The following MYO1E variants were observed in gnomAD, a reference collection of about 807,000 sequenced individuals.
MYO1E encodes the protein myosin IE.
A neutral mutation model predicts 151.1 loss-of-function variants in MYO1E; 68 were observed. The ratio of observed to expected loss-of-function variants is 0.45; its 90% CI spans 0.37 to 0.55. The LOEUF (loss-of-function observed/expected upper bound fraction) is 0.55. MYO1E is among the 20% of genes least tolerant of loss of function. The pLI is 0.00. For synonymous variants in MYO1E, 601 were observed against 501.7 expected (o/e 1.20, Z -2.64); for missense variants, 1,363 against 1,389.3 (o/e 0.98, Z 0.30).
At chr15:59,254,651 T>C (rs573896284) in intron 4 of MYO1E, among the ~76,000 whole-genome samples, 4 of 149,908 alleles carry the variant, frequency 2.7e-5, no homozygotes, top group African/African-American at 9.7e-5. Context: ...ATTTTGTGTA[T>C]ATTTGTAATT....
chr15:59,140,915 A>C (rs1235054178), intron 26 of MYO1E, among the ~76,000 whole-genome samples: 1 of 152,180 alleles, frequency 6.6e-6, no homozygotes, highest in Non-Finnish European at 1.5e-5. Context: ...CTTAGTGCAG[A>C]GGAAAGGCAT....
intron 10 of MYO1E, among the ~76,000 whole-genome samples, chr15:59,217,234 T>C (rs1008905554): frequency 6.6e-6 from 1 of 152,234 alleles, no homozygotes; most frequent in African/African-American, 2.4e-5. Context: ...GGTTAATTTG[T>C]AACATAGAAA....
chr15:59,357,238 T>A (rs1217445369), intron 1 of MYO1E, among the ~76,000 whole-genome samples: 2 of 151,772 alleles, frequency 1.3e-5, no homozygotes, highest in Non-Finnish European at 2.9e-5. Flanking sequence ...TATCATATAC[T>A]CAAGTATTGG....
intron 14 of MYO1E, chr15:59,207,942 A>G (rs2079850869): frequency 1.2e-6 from 2 of 1,613,876 alleles, no homozygotes; most frequent in African/African-American, 1.3e-5. Flanking sequence ...GAATAGATGA[A>G]GAAGTATTCC....
At chr15:59,225,792 GC>G (rs1173578594) in intron 7 of MYO1E, among the ~76,000 whole-genome samples, 1 of 151,662 alleles carries the variant, frequency 6.6e-6, no homozygotes, top group Non-Finnish European at 1.5e-5. Flanking sequence ...GACTACAGGC[GC>G]CCACCACCAC....
intron 1 of MYO1E, among the ~76,000 whole-genome samples, chr15:59,339,122 ACT>A (rs551555145): frequency 1.7e-3 from 266 of 152,270 alleles, no homozygotes; most frequent in Admixed American, 2.5e-3. Flanking sequence ...GCAGAGCAAG[ACT>A]CTGTCTCAAA....
chr15:59,323,005 C>CAA lies in MYO1E; in HGVS notation c.3+49491_3+49492dup, dbSNP rs10569331. The stretch of plus-strand genomic sequence containing the variant: ...TGAAACTCCGTCTCTACTAAAAATA[C>CAA]AAAAAAAAAAAAAAATAGCCTGGTA... On this transcript the variant is annotated intron_variant, in intron 1 of 27. Coordinates refer to ENST00000288235, the MANE Select transcript of MYO1E (RefSeq NM_004998.4). Among the ~76,000 whole-genome samples the CAA allele has an allele frequency of 2.3e-5, 3 of 129,604 alleles. No homozygotes were observed. The Admixed American group carries it at 2.4e-4, about 10-fold the overall frequency. The allele number at this position is 129,604 out of a possible 152,430, so 85.0% of individuals were successfully genotyped here. A position where few individuals can be genotyped will look rare whatever the true frequency, so the allele number is the denominator to read the frequency against.
In MYO1E at chr15:59,298,425, A is replaced by C. The variant is rs116360300; in HGVS notation, c.4-25976T>G. On this transcript the variant is annotated intron_variant, in intron 1 of 27. Coordinates refer to ENST00000288235, the MANE Select transcript of MYO1E (RefSeq NM_004998.4). Reference sequence around the variant, plus strand: ...GCGTTCTACCTCCACAAGGTGTGAAATCATGCATTCCTAGAAGCTGAACTG... The same window carrying C: ...GCGTTCTACCTCCACAAGGTGTGAACTCATGCATTCCTAGAAGCTGAACTG... Among the ~76,000 whole-genome samples, 1,140 of 152,274 alleles carry C rather than the reference A, an allele frequency of 7.5e-3. 7 individuals are homozygous for C. Among genetic ancestry groups the C allele is most frequent in the African/African-American group, 0.026 (1,096 of 41,546 alleles).
intron 17 of MYO1E, among the ~76,000 whole-genome samples, chr15:59,193,255 T>C (rs966758203): frequency 2.6e-5 from 4 of 152,294 alleles, no homozygotes; most frequent in African/African-American, 9.6e-5. Flanking sequence ...TGAGGCAGGC[T>C]CAAGTATGGG....
At chr15:59,238,966 G>A (rs1456027205) in intron 4 of MYO1E, among the ~76,000 whole-genome samples, 1 of 151,466 alleles carries the variant, frequency 6.6e-6, no homozygotes, top group Non-Finnish European at 1.5e-5. Flanking sequence ...AGCACTTTGG[G>A]AGGCCAAGGT....
chr15:59,343,787 T>C (rs887868968), intron 1 of MYO1E, among the ~76,000 whole-genome samples: 2 of 152,106 alleles, frequency 1.3e-5, no homozygotes, highest in Admixed American at 1.3e-4. Flanking sequence ...TCAGTTCTGC[T>C]ACTAACAGAC....
chr15:59,343,528 T>C (rs2080777297), intron 1 of MYO1E, among the ~76,000 whole-genome samples: 2 of 152,206 alleles, frequency 1.3e-5, no homozygotes, highest in Admixed American at 1.3e-4. Context: ...TATAACCTTC[T>C]TGTACTTAAA....
chr15:59,196,799 C>G (rs912389798), intron 16 of MYO1E, among the ~76,000 whole-genome samples: 9 of 152,034 alleles, frequency 5.9e-5, no homozygotes, highest in Admixed American at 2.0e-4. Flanking sequence ...AGTAAATTGC[C>G]TCTTATGTTC....
At chr15:59,321,738 A>C (rs1015630454) in intron 1 of MYO1E, among the ~76,000 whole-genome samples, 2 of 152,162 alleles carry the variant, frequency 1.3e-5, no homozygotes, top group Non-Finnish European at 2.9e-5. Context: ...CCATATCTAC[A>C]AAAAATACAA....
intron 3 of MYO1E, among the ~76,000 whole-genome samples, chr15:59,257,747 A>G (rs1306659652): frequency 6.6e-6 from 1 of 151,986 alleles, no homozygotes. Flanking sequence ...TGAGGGCTGC[A>G]AGCTATGCCT....
intron 4 of MYO1E, among the ~76,000 whole-genome samples, chr15:59,241,750 A>G (rs1049988726): frequency 6.6e-6 from 1 of 151,908 alleles, no homozygotes; most frequent in African/African-American, 2.4e-5. Flanking sequence ...AAATTTTTAA[A>G]TAAAAACAAT....
chr15:59,140,660 C>T (rs983270088), intron 26 of MYO1E, among the ~76,000 whole-genome samples: 1 of 152,134 alleles, frequency 6.6e-6, no homozygotes, highest in African/African-American at 2.4e-5. Flanking sequence ...CTCTCAGGAG[C>T]CACAGCCTGC....
rs56090610 is a variant in MYO1E, at chr15:59,154,632, T to C, written c.2879-841A>G. On this transcript the variant is annotated intron_variant, in intron 25 of 27. Coordinates refer to ENST00000288235, the MANE Select transcript of MYO1E (RefSeq NM_004998.4). ...CAACCAAATTAAGAGAACTCTTTGG[T>C]ACCAGTGGGATGACCCTTAGGAAAG... is the stretch of plus-strand genomic sequence containing the variant. Among the ~76,000 whole-genome samples, 671 of 152,280 alleles carry C rather than the reference T, an allele frequency of 4.4e-3. 6 individuals are homozygous for C. Among genetic ancestry groups the C allele is most frequent in the African/African-American group, 0.016 (652 of 41,554 alleles).
intron 4 of MYO1E, among the ~76,000 whole-genome samples, chr15:59,242,423 A>G (rs769828407): frequency 2.0e-5 from 3 of 152,198 alleles, no homozygotes; most frequent in Non-Finnish European, 4.4e-5. Context: ...CCAAATCAAA[A>G]TAAGTAATGA....
Sources: gnomAD v4.1 joint callset for allele counts (sites outside exome capture counted in the v4.1 genomes callset) on GRCh38, gnomAD v4.1.1 for gene constraint, MANE v1.5 for transcripts, NCBI Gene and HGNC (gene_info 2026-07-23, HGNC 2026-07-21) for gene names.